The following RBFOX1 variants were observed in gnomAD, a reference collection of about 807,000 sequenced individuals.
The protein encoded by RBFOX1 is RNA binding fox-1 homolog 1, also known as RNA binding protein fox-1 homolog 1.
Under a neutral mutation model 57.7 loss-of-function variants are expected in RBFOX1, and 8 were observed. The ratio of observed to expected loss-of-function variants is 0.14; its 90% CI spans 0.08 to 0.25. The LOEUF (loss-of-function observed/expected upper bound fraction) is 0.25, where lower values mean the gene tolerates loss of function less well. Among genes scored for constraint, RBFOX1 ranks in the 10% least tolerant of loss-of-function variants. The pLI, the probability that RBFOX1 is intolerant of heterozygous loss-of-function variation, is 1.00. For missense variants in RBFOX1, 611 were observed against 548.5 expected, an observed-to-expected ratio of 1.11 and a Z score of -1.14; for synonymous variants, 326 against 222.4, an observed-to-expected ratio of 1.47 and a Z score of -4.15.
chr16:5,955,355 TAA>T (rs1168144328), intron 4 of RBFOX1, among the ~76,000 whole-genome samples: 1 of 13,978 alleles, frequency 7.2e-5, no homozygotes, highest in African/African-American at 1.8e-4. Flanking sequence ...ATAAAATAAA[TAA>T]AAATAAAATA....
rs113415937 is a variant in RBFOX1 at position 5,245,206 on chromosome 16, G to A, written c.219+5101G>A. ...TGTGGAGTCCGGTGCCTGGTTTGGG[G>A]AATGTTCATGGGATATGTTCCAAAG... On this transcript the variant is annotated intron_variant, in intron 1 of 2. Transcript: ENST00000585867. 4.8e-3 allele frequency among the ~76,000 whole-genome samples: 738 copies of A among 152,274 alleles called. 7 individuals are homozygous for A. Among genetic ancestry groups the A allele is most frequent in the African/African-American group, 0.017 (710 of 41,544 alleles).
At chr16:5,576,868 G>C (rs1283610963) in intron 2 of RBFOX1, among the ~76,000 whole-genome samples, 1 of 152,238 alleles carries the variant, frequency 6.6e-6, no homozygotes, top group Non-Finnish European at 1.5e-5. Context: ...AGATTTTTCA[G>C]ATCTGCTATT....
chr16:6,957,334 T>C (rs2082081737), intron 3 of RBFOX1, among the ~76,000 whole-genome samples: 2 of 151,970 alleles, frequency 1.3e-5, no homozygotes, highest in Non-Finnish European at 2.9e-5. Context: ...GGTTTCACCA[T>C]GTTAGCCAGG....
intron 2 of RBFOX1, among the ~76,000 whole-genome samples, chr16:5,514,996 G>GA (rs2043738149): frequency 6.6e-6 from 1 of 152,118 alleles, no homozygotes. Context: ...AGGTGAAGGG[G>GA]AAGCAGGAAT....
At chr16:6,807,182 TGGAGATTGGACAGGGAGACCAGTTA>T (rs2087052096) in intron 3 of RBFOX1, among the ~76,000 whole-genome samples, 1 of 151,850 alleles carries the variant, frequency 6.6e-6, no homozygotes, top group Non-Finnish European at 1.5e-5. Flanking sequence ...AGAAACAGAT[TGGAGATTGGACAGGGAGACCAGTTA>T]GGAGTCTGTT....
chr16:7,201,072 A>T (rs2088270094), intron 4 of RBFOX1, among the ~76,000 whole-genome samples: 1 of 152,222 alleles, frequency 6.6e-6, no homozygotes, highest in Admixed American at 6.5e-5. Context: ...TGTGGGAATC[A>T]CAAATATAAA....
chr16:7,654,033 T>C (rs1378255941), intron 12 of RBFOX1, 86 bp downstream of exon 12: 9 of 1,372,912 alleles, frequency 6.6e-6, no homozygotes, highest in Non-Finnish European at 8.6e-6. Flanking sequence ...CGCATGATGG[T>C]CTTGACTCCC....
chr16:5,296,223 C>T lies in RBFOX1; in HGVS notation c.219+56118C>T, dbSNP rs761331211. 1.5e-4 allele frequency among the ~76,000 whole-genome samples: 23 copies of T among 152,282 alleles called. 1 individual carries two copies. In the South Asian group the frequency reaches 2.5e-3, roughly 16 times the overall value. ...AGCTGGGCATTCAGACTCGGTGTAGCATTTTATGAAAAGCAGCATCTGCAT... is the reference window on the plus strand; with the variant it reads ...AGCTGGGCATTCAGACTCGGTGTAGTATTTTATGAAAAGCAGCATCTGCAT... On this transcript the variant is annotated intron_variant, in intron 1 of 2. Coordinates refer to the RBFOX1 transcript ENST00000585867.
chr16:7,649,267 T>C (rs1038805873), intron 11 of RBFOX1, among the ~76,000 whole-genome samples: 1 of 152,220 alleles, frequency 6.6e-6, no homozygotes, highest in Non-Finnish European at 1.5e-5. Context: ...GGGTTTGTGA[T>C]AAAGGATTAA....
At chr16:5,296,372 C>T (rs1251387264) in intron 1 of RBFOX1, among the ~76,000 whole-genome samples, 2 of 152,222 alleles carry the variant, frequency 1.3e-5, no homozygotes, top group African/African-American at 2.4e-5. Flanking sequence ...TGTAAGTCTG[C>T]ATCCTCACTG....
intron 2 of RBFOX1, among the ~76,000 whole-genome samples, chr16:6,448,027 GAGTTCTGGTTGCA>G: frequency 6.6e-6 from 1 of 151,964 alleles, no homozygotes; most frequent in Non-Finnish European, 1.5e-5. Context: ...TTAGAGTGTT[GAGTTCTGGTTGCA>G]AAGACATTTC....
At chr16:5,324,282 G>C (rs145676029) in intron 1 of RBFOX1, among the ~76,000 whole-genome samples, 3,127 of 152,286 alleles carry the variant, frequency 0.021, 50 homozygotes, top group Non-Finnish European at 0.031. Flanking sequence ...GGCCAACATG[G>C]TGAAACCCCA....
At chr16:6,829,504 C>G (rs1005374298) in intron 3 of RBFOX1, among the ~76,000 whole-genome samples, 1 of 145,140 alleles carries the variant, frequency 6.9e-6, no homozygotes, top group African/African-American at 2.6e-5. Context: ...AACAAAAAAA[C>G]GTTAACTTAT....
At chr16:6,155,407 G>T (rs2096831405) in intron 1 of RBFOX1, among the ~76,000 whole-genome samples, 1 of 152,188 alleles carries the variant, frequency 6.6e-6, no homozygotes, top group Non-Finnish European at 1.5e-5. Context: ...AGGGCCATCT[G>T]CTGAGTAAGT....
At chr16:5,350,639 G>A (rs1056304038) in intron 1 of RBFOX1, among the ~76,000 whole-genome samples, 1 of 152,178 alleles carries the variant, frequency 6.6e-6, no homozygotes, top group Admixed American at 6.5e-5. Flanking sequence ...GCCAAAGCGG[G>A]CGGATCACCT....
At chr16:6,200,218 C>A (rs945347867) in intron 1 of RBFOX1, among the ~76,000 whole-genome samples, 1 of 152,186 alleles carries the variant, frequency 6.6e-6, no homozygotes, top group South Asian at 2.1e-4. Context: ...CTATTAATAT[C>A]AGAGCTGCGG....
At chr16:7,113,360 T>A (rs1035351263) in intron 4 of RBFOX1, among the ~76,000 whole-genome samples, 1 of 152,176 alleles carries the variant, frequency 6.6e-6, no homozygotes, top group Non-Finnish European at 1.5e-5. Flanking sequence ...TGTTTTTAAG[T>A]CTTTCCGCAG....
chr16:6,072,614 ATTG>A (rs1324889295), intron 1 of RBFOX1, among the ~76,000 whole-genome samples: 1 of 148,272 alleles, frequency 6.7e-6, no homozygotes. Flanking sequence ...CAGGCCAACA[ATTG>A]TTTTTTTTTT....
chr16:6,267,185 G>C (rs933394207), intron 1 of RBFOX1, among the ~76,000 whole-genome samples: 17 of 152,158 alleles, frequency 1.1e-4, no homozygotes, highest in African/African-American at 3.1e-4. Flanking sequence ...CTGAAAAAGG[G>C]GGAAAAAAAT....
Sources: allele counts gnomAD v4.1 joint callset (sites outside exome capture counted in the v4.1 genomes callset), GRCh38; gene constraint gnomAD v4.1.1; transcripts MANE v1.5; gene names NCBI Gene and HGNC (gene_info 2026-07-23, HGNC 2026-07-21).